The following ABCA9 variants were observed in gnomAD, a reference collection of about 807,000 sequenced individuals.
The protein encoded by ABCA9 is ATP binding cassette subfamily A member 9, also known as ATP-binding cassette sub-family A member 9.
Under a neutral mutation model 205.3 loss-of-function variants are expected in ABCA9, and 183 were observed. That is an observed-to-expected ratio of 0.89 (90% CI 0.79 to 1.01). ABCA9 has a LOEUF of 1.01. ABCA9 is among the 50% of genes least tolerant of loss of function. ABCA9 has a pLI of 0.00. For synonymous variants in ABCA9, 651 were observed against 683.3 expected (o/e 0.95, Z 0.74); for missense variants, 1,805 against 1,912.4 (o/e 0.94, Z 1.05).
intron 26 of ABCA9, among the ~76,000 whole-genome samples, chr17:68,994,166 G>A (rs1203408639): frequency 3.9e-5 from 6 of 152,110 alleles, no homozygotes; most frequent in African/African-American, 9.7e-5. Context: ...ATGAGCCACC[G>A]CACCTGGCCT....
intron 21 of ABCA9, among the ~76,000 whole-genome samples, chr17:69,017,096 TCTTA>T (rs1042555051): frequency 2.6e-5 from 4 of 152,166 alleles, no homozygotes; most frequent in Non-Finnish European, 5.9e-5. Flanking sequence ...GAAGGTAATT[TCTTA>T]CTTTATTTTT....
chr17:68,993,815 C>T (rs911147895), intron 26 of ABCA9, among the ~76,000 whole-genome samples: 5 of 152,150 alleles, frequency 3.3e-5, no homozygotes, highest in African/African-American at 1.2e-4. Flanking sequence ...TGCCCACTTT[C>T]AATAATTGCA....
At chr17:69,026,133 C>T (rs978082240) in intron 16 of ABCA9, among the ~76,000 whole-genome samples, 4 of 152,076 alleles carry the variant, frequency 2.6e-5, no homozygotes, top group Non-Finnish European at 4.4e-5. Context: ...GCAAGCAACA[C>T]GTTGTGAAAA....
intron 25 of ABCA9, among the ~76,000 whole-genome samples, chr17:69,005,636 T>C (rs1391207805): frequency 6.6e-6 from 1 of 152,204 alleles, no homozygotes; most frequent in African/African-American, 2.4e-5. Context: ...ACATTTCCAC[T>C]TCGGTTTTCT....
intron 7 of ABCA9, 91 bp from the exon 8 acceptor site, chr17:69,035,522 AT>A: frequency 1.5e-6 from 2 of 1,373,044 alleles, no homozygotes; most frequent in Non-Finnish European, 1.9e-6. Flanking sequence ...TATATTTTAT[AT>A]TTTTCCACCC....
chr17:69,063,871 C>A (rs1182780640), upstream of ABCA9, among the ~76,000 whole-genome samples: 2 of 152,134 alleles, frequency 1.3e-5, no homozygotes, highest in African/African-American at 4.8e-5. Context: ...CGCGCCTGGC[C>A]CTCTTTGTTT....
chr17:68,994,794 G>C (rs557749612), intron 26 of ABCA9, among the ~76,000 whole-genome samples: 17 of 152,186 alleles, frequency 1.1e-4, no homozygotes, highest in Admixed American at 9.8e-4. Context: ...TGGACTTTAC[G>C]CTATTTTTTC....
At chr17:68,987,489 A>G (rs1459011232) in intron 31 of ABCA9, among the ~76,000 whole-genome samples, 1 of 152,224 alleles carries the variant, frequency 6.6e-6, no homozygotes, top group Non-Finnish European at 1.5e-5. Context: ...AGGAAAAGGC[A>G]TTTTGGGGAG....
At chr17:69,043,759 T>TA (rs1310634311) in intron 5 of ABCA9, 44 bp from the exon 6 acceptor site, 7 of 1,466,596 alleles carry the variant, frequency 4.8e-6, no homozygotes, top group Non-Finnish European at 5.5e-6. Context: ...ATCAATCTAA[T>TA]TCCAACCTTA....
Position 69,012,056 on chromosome 17 carries a change from G to C in ABCA9, c.3067C>G (p.Arg1023Gly), listed in dbSNP as rs773986908. The change falls in exon 23 of 39, where the codon CGA becomes GGA. Residue 1023 changes from arginine to glycine, a missense_variant. By Grantham distance (125) the Arg-to-Gly change is moderately radical. Transcript: ENST00000340001. ...GGTATCCAGAAGAAGGTGTTACTTC[G>C]GTACCCATACTCATAATCCATATGC... is the stretch of plus-strand genomic sequence containing the variant. ...EEHMDYEYGY[R>G]SNTFFWIPMA... is the part of the protein sequence containing the mutation. 6.2e-7 allele frequency: 1 copy of C among 1,612,822 alleles called. No individual in the cohort carries two copies. The highest frequency in any genetic ancestry group is 1.7e-5 in the Admixed American group (1 of 59,838).
In ABCA9 at chr17:69,021,805, A is replaced by C. The variant is rs775915587; in HGVS notation, c.2338T>G (p.Ser780Ala). 5.6e-6 allele frequency: 9 copies of C among 1,598,226 alleles called. No homozygotes were observed. The highest frequency in any genetic ancestry group is 7.7e-6 in the Non-Finnish European group (9 of 1,171,504). The change falls in exon 18 of 39, where the codon TCC (serine) becomes GCC (alanine). Residue 780 changes from serine (S) to alanine (A), a missense_variant. Ser to Ala is a moderately conservative substitution (Grantham distance 99). Transcript: ENST00000340001. ...SNQGIEDYGV[S>A]ITTLNEVFLK... ...AACACCTCATTCAAAGTTGTTATGG[A>C]AACACCATAATCCTCAATGCCTTGG...
intron 25 of ABCA9, among the ~76,000 whole-genome samples, chr17:68,997,493 A>G (rs764191292): frequency 1.6e-4 from 24 of 150,048 alleles, no homozygotes; most frequent in Non-Finnish European, 3.4e-4. Flanking sequence ...TGCTTTTGCA[A>G]TTTTTCTTTT....
intron 31 of ABCA9, chr17:68,986,630 T>G (rs1426119421): frequency 8.3e-6 from 2 of 239,578 alleles, no homozygotes; most frequent in Non-Finnish European, 1.6e-5. Context: ...TTCAAAGGAA[T>G]AGATACTTGT....
chr17:69,035,167 G>T, intron 8 of ABCA9, 79 bp downstream of exon 8: 1 of 1,205,984 alleles, frequency 8.3e-7, no homozygotes, highest in East Asian at 2.7e-5. Context: ...GGAATGCTTA[G>T]AGCATGTTGT....
At chr17:69,078,788 C>T in the ABCA9 span, 1 of 412,518 alleles carries the variant, frequency 2.4e-6, no homozygotes, top group South Asian at 6.9e-5. Context: ...GCCTTTATCA[C>T]AGGTTTGCTA....
intron 19 of ABCA9, among the ~76,000 whole-genome samples, chr17:69,019,362 T>C (rs1054820231): frequency 2.6e-5 from 4 of 152,150 alleles, no homozygotes; most frequent in Non-Finnish European, 5.9e-5. Context: ...TGAATATATT[T>C]CAAAAATATT....
chr17:69,017,700 C>T lies in ABCA9; in HGVS notation c.2857G>A (p.Asp953Asn). Residue 953 changes from aspartate (D) to asparagine (N), a missense_variant, in exon 21 of 39, where the codon GAC becomes AAC. Asp to Asn is a conservative substitution (Grantham distance 23). Transcript: ENST00000340001. ...DAFGTRNGTD[D>N]PSYNGAIIVS... Reference sequence around the variant, plus strand: ...ATGATAGCACCATTGTAAGATGGGTCATCTGTGCCATTTCTAGTTCCAAAG... The same window carrying T: ...ATGATAGCACCATTGTAAGATGGGTTATCTGTGCCATTTCTAGTTCCAAAG... 1.2e-6 allele frequency: 2 copies of T among 1,613,400 alleles called. No individual in the cohort carries two copies. The highest frequency in any genetic ancestry group is 1.7e-6 in the Non-Finnish European group (2 of 1,179,474).
chr17:69,072,532 A>G, the ABCA9 span, among the ~76,000 whole-genome samples: 1 of 152,198 alleles, frequency 6.6e-6, no homozygotes, highest in Non-Finnish European at 1.5e-5. Flanking sequence ...AATCCTTTAC[A>G]GACAAGCAAA....
intron 3 of ABCA9, among the ~76,000 whole-genome samples, chr17:69,047,546 G>A (rs2071757887): frequency 6.6e-6 from 1 of 152,018 alleles, no homozygotes; most frequent in African/African-American, 2.4e-5. Context: ...GGGCCCCAGA[G>A]AAATGGATTC....
Sources: gnomAD v4.1 joint callset for allele counts (sites outside exome capture counted in the v4.1 genomes callset) on GRCh38, gnomAD v4.1.1 for gene constraint, MANE v1.5 for transcripts, NCBI Gene and HGNC (gene_info 2026-07-23, HGNC 2026-07-21) for gene names.